The following NRAP variants were observed in gnomAD, a reference collection of about 807,000 sequenced individuals.
NRAP encodes nebulin related anchoring protein.
In NRAP, 189 loss-of-function variants were observed where a neutral mutation model predicts 225.9. That is an observed-to-expected ratio of 0.84 (90% CI 0.74 to 0.94). NRAP has a LOEUF of 0.94. NRAP is among the 40% of genes least tolerant of loss of function. The probability of loss-of-function intolerance (pLI) is 0.00; values close to 1 mark genes in which losing one functional copy is unlikely to be tolerated. For synonymous variants in NRAP, 769 were observed against 790.7 expected, an observed-to-expected ratio of 0.97 and a Z score of 0.46; for missense variants, 2,176 against 2,168.7, an observed-to-expected ratio of 1.00 and a Z score of -0.07.
chr10:113,663,265 G>A, intron 2 of NRAP, 87 bp downstream of exon 2: 1 of 801,698 alleles, frequency 1.2e-6, no homozygotes, highest in East Asian at 2.5e-5. Context: ...ATTTAACCCT[G>A]GGTTATATGA....
Position 113,652,919 on chromosome 10 carries a change from G to C in NRAP, c.570+16C>G. The C allele has an allele frequency of 1.3e-6, 2 of 1,567,596 alleles. No homozygotes were observed. Among genetic ancestry groups the C allele is most frequent in the African/African-American group, 2.7e-5 (2 of 73,790 alleles). ...AATTAGCATAATCAATGGTGAAAAA[G>C]CACCCAGGCACTCACTTGGCTGGCC... is the stretch of plus-strand genomic sequence containing the variant. On this transcript the variant is annotated intron_variant, in intron 6 of 41. Coordinates refer to ENST00000359988, the MANE Select transcript of NRAP (RefSeq NM_198060.4).
chr10:113,650,176 G>A, intron 8 of NRAP, 35 bp from the exon 9 acceptor site: 1 of 1,347,010 alleles, frequency 7.4e-7, no homozygotes, highest in Non-Finnish European at 1.1e-6. Context: ...CGGTGAATTT[G>A]ACTCCCATGC....
At chr10:113,661,372 C>T (rs1370605241) in intron 3 of NRAP, among the ~76,000 whole-genome samples, 1 of 152,084 alleles carries the variant, frequency 6.6e-6, no homozygotes, top group Non-Finnish European at 1.5e-5. Flanking sequence ...GGTATCTTGG[C>T]AGCATGTGTA....
Position 113,608,435 on chromosome 10 carries a change from G to C in NRAP, c.3681C>G (p.Phe1227Leu). Residue 1227 changes from phenylalanine (F) to leucine (L), a missense_variant, in exon 32 of 42, where the codon TTC becomes TTG. This residue lies in a region of NRAP where 1,708 missense variants were observed against 1,695.5 expected (regional missense o/e 1.01). Transcript: ENST00000359988. ...TDTPNLLHAK[F>L]SNQITNERLY... ...TTACCTCATTCGTTATCTGGTTGCTGAATTTCGCATGAAGGAGGTTGGGAG... is the reference window on the plus strand; with the variant it reads ...TTACCTCATTCGTTATCTGGTTGCTCAATTTCGCATGAAGGAGGTTGGGAG... The C allele has an allele frequency of 6.2e-7, 1 of 1,611,830 alleles. No individual in the cohort carries two copies. Among genetic ancestry groups the C allele is most frequent in the South Asian group, 1.1e-5 (1 of 90,844 alleles).
chr10:113,603,438 G>T (rs576105667), intron 35 of NRAP, among the ~76,000 whole-genome samples: 1 of 152,188 alleles, frequency 6.6e-6, no homozygotes, highest in South Asian at 2.1e-4. Context: ...CCCCCCAAGA[G>T]AGCAGGATGG....
chr10:113,624,896 T>A lies in NRAP; in HGVS notation c.2279A>T (p.His760Leu). 1 of 1,614,030 alleles carries A rather than the reference T, an allele frequency of 6.2e-7. No homozygotes were observed. The highest frequency in any genetic ancestry group is 1.3e-5 in the African/African-American group (1 of 75,034). ...AYKAGNEQSVHQYTISKDEPL... is the reference protein window; with the variant it reads ...AYKAGNEQSVLQYTISKDEPL... ...CTCGTCTTTGCTGATGGTATACTGA[T>A]GGACAGACTGCTCATTTCCTGCCTT... The change falls in exon 22 of 42, where the codon CAT (histidine) becomes CTT (leucine). Residue 760 changes from histidine (H) to leucine (L), a missense_variant. His to Leu is a moderately conservative substitution (Grantham distance 99). Coordinates refer to ENST00000359988, the MANE Select transcript of NRAP (RefSeq NM_198060.4).
At chr10:113,620,504 C>T in intron 25 of NRAP, 100 bp downstream of exon 25, 1 of 887,808 alleles carries the variant, frequency 1.1e-6, no homozygotes, top group Non-Finnish European at 1.8e-6. Flanking sequence ...GTGGCTTTGC[C>T]TTTTTCTTTG....
intron 32 of NRAP, among the ~76,000 whole-genome samples, chr10:113,607,056 C>T (rs1847013714): frequency 6.6e-6 from 1 of 151,988 alleles, no homozygotes; most frequent in Non-Finnish European, 1.5e-5. Flanking sequence ...ACTAAATTAG[C>T]CTGACATGGT....
At chr10:113,637,755 C>A (rs1045298447) in intron 14 of NRAP, among the ~76,000 whole-genome samples, 1 of 152,104 alleles carries the variant, frequency 6.6e-6, no homozygotes, top group African/African-American at 2.4e-5. Flanking sequence ...GAAACACCAT[C>A]TCTACTAAAA....
Position 113,657,468 on chromosome 10 carries a change from A to G in NRAP, c.360+2T>C. On this transcript the variant is annotated splice_donor_variant, in intron 4 of 41. Coordinates refer to ENST00000359988, the MANE Select transcript of NRAP (RefSeq NM_198060.4). LOFTEE classifies it high-confidence loss of function. ...CAAACCCACTTGTCACTTTTCTCTC[A>G]CCTCATTTGCCAGTGGCTGCCTGTT... 1 of 1,490,684 alleles carries G rather than the reference A, an allele frequency of 6.7e-7. No homozygotes were observed. The highest frequency in any genetic ancestry group is 1.1e-5 in the South Asian group (1 of 88,124). The allele number at this position is 1,490,684 out of a possible 1,614,324, so 92.3% of individuals were successfully genotyped here. A position where few individuals can be genotyped will look rare whatever the true frequency, so the allele number is the denominator to read the frequency against.
At chr10:113,632,325 T>C (rs1050573686) in intron 16 of NRAP, among the ~76,000 whole-genome samples, 5 of 152,258 alleles carry the variant, frequency 3.3e-5, no homozygotes, top group African/African-American at 9.6e-5. Context: ...ATAGAATATA[T>C]GTAAAGAGAT....
chr10:113,613,275 G>A (rs1222094957), intron 29 of NRAP, among the ~76,000 whole-genome samples: 1 of 152,084 alleles, frequency 6.6e-6, no homozygotes, highest in Non-Finnish European at 1.5e-5. Context: ...AGTTATGAAT[G>A]GGGAAACTGG....
At chr10:113,649,950 C>A (rs1849838992) in intron 9 of NRAP, 87 bp downstream of exon 9, 11 of 772,312 alleles carry the variant, frequency 1.4e-5, no homozygotes, top group Non-Finnish European at 2.5e-5. Context: ...AAAGCCCCAC[C>A]CCTGATTAAA....
chr10:113,633,994 G>T, intron 15 of NRAP, 118 bp downstream of exon 15: 2 of 711,218 alleles, frequency 2.8e-6, no homozygotes, highest in Non-Finnish European at 2.5e-6. Context: ...TTTTCTGGCT[G>T]TAATAAGACA....
chr10:113,640,127 T>A (rs1227247471), intron 14 of NRAP, 100 bp downstream of exon 14: 1 of 684,830 alleles, frequency 1.5e-6, no homozygotes, highest in Non-Finnish European at 2.5e-6. Flanking sequence ...TCTTATGAAC[T>A]GTTGTATCAT....
chr10:113,633,084 C>T lies in NRAP; in HGVS notation c.1632G>A (p.Glu544=), dbSNP rs1848663946. Residue 544 remains glutamate, a splice_region_variant and synonymous_variant, in exon 16 of 42, where the codon GAG becomes GAA. Coordinates refer to ENST00000359988, the MANE Select transcript of NRAP (RefSeq NM_198060.4). ...KAKTNAKLFS[E]VKYKEGWEKT... is the part of the protein sequence containing the mutation. ...CCGTCTCCCCACATTGCTCTCTTAC[C>T]TCACTGAAGAGTTTGGCATTGGTTT... is the stretch of plus-strand genomic sequence containing the variant. 1 of 1,508,448 alleles carries T rather than the reference C, an allele frequency of 6.6e-7. No homozygotes were observed. The highest frequency in any genetic ancestry group is 9.2e-7 in the Non-Finnish European group (1 of 1,084,012). The allele number at this position is 1,508,448 out of a possible 1,614,324, so 93.4% of individuals were successfully genotyped here. A position where few individuals can be genotyped will look rare whatever the true frequency, so the allele number is the denominator to read the frequency against.
rs11196400 is a variant in NRAP, at chr10:113,634,189, C to T, written c.1450G>A (p.Asp484Asn). Reference sequence around the variant, plus strand: ...GTCACCGAGCTGTACTTCAACTTGTCGATGCTCTGCCTATAATTGGCCTAG... The same window carrying T: ...GTCACCGAGCTGTACTTCAACTTGTTGATGCTCTGCCTATAATTGGCCTAG... ...LKDANYRQSIDKLKYSSVTDT... is the reference protein window; with the variant it reads ...LKDANYRQSINKLKYSSVTDT... The change falls in exon 15 of 42, where the codon GAC becomes AAC. Residue 484 changes from aspartate to asparagine, a missense_variant. This residue lies in a region of NRAP where 1,708 missense variants were observed against 1,695.5 expected (regional missense o/e 1.01). Transcript: ENST00000359988. The T allele has an allele frequency of 0.13, 216,683 of 1,611,454 alleles. 16,538 individuals carry two copies. Among genetic ancestry groups the T allele is most frequent in the African/African-American group, 0.3 (22,669 of 74,848 alleles).
At chr10:113,654,333 A>T (rs1850169198) in intron 4 of NRAP, among the ~76,000 whole-genome samples, 1 of 152,218 alleles carries the variant, frequency 6.6e-6, no homozygotes, top group Non-Finnish European at 1.5e-5. Flanking sequence ...CACTTATGTT[A>T]CAGGAAAATT....
At chr10:113,599,764 C>T (rs1466193626) in intron 35 of NRAP, among the ~76,000 whole-genome samples, 1 of 152,056 alleles carries the variant, frequency 6.6e-6, no homozygotes, top group Non-Finnish European at 1.5e-5. Context: ...GAATCTGCTA[C>T]CCAAAGATGG....
Sources: gnomAD v4.1 joint callset for allele counts (sites outside exome capture counted in the v4.1 genomes callset) on GRCh38, gnomAD v4.1.1 for gene constraint, gnomAD v4.1.1 regional missense constraint, MANE v1.5 for transcripts, NCBI Gene and HGNC (gene_info 2026-07-23, HGNC 2026-07-21) for gene names.